WDR27: variants seen among roughly 807,000 people sequenced by gnomAD.
The protein encoded by WDR27 is WD repeat domain 27, also known as WD repeat-containing protein 27.
WDR27 carries 100 observed loss-of-function variants against 114.4 expected under a neutral mutation model. The observed-to-expected ratio is 0.87, with a 90% CI of 0.74 to 1.03. The LOEUF (loss-of-function observed/expected upper bound fraction) is 1.03. Ranked by LOEUF, WDR27 falls within the 50% of genes least tolerant of loss-of-function variation. The probability of loss-of-function intolerance (pLI) is 0.00; values close to 1 mark genes in which losing one functional copy is unlikely to be tolerated. For synonymous variants in WDR27, 449 were observed against 423.1 expected, an observed-to-expected ratio of 1.06 and a Z score of -0.75; for missense variants, 1,129 against 1,092.9, an observed-to-expected ratio of 1.03 and a Z score of -0.47.
At chr6:169,472,817 T>C (rs1452501970) in intron 25 of WDR27, among the ~76,000 whole-genome samples, 1 of 152,194 alleles carries the variant, frequency 6.6e-6, no homozygotes, top group Non-Finnish European at 1.5e-5. Context: ...CTGCATTTAT[T>C]TAAAAGTCCC....
chr6:169,459,276 CAA>C lies in WDR27; in HGVS notation c.2646-1644_2646-1643del, dbSNP rs550982525. Among the ~76,000 whole-genome samples, 44 of 151,336 alleles carry C rather than the reference CAA, an allele frequency of 2.9e-4. No individual in the cohort carries two copies. The East Asian group carries it at 4.7e-3, about 16-fold the overall frequency. On this transcript the variant is annotated intron_variant, in intron 25 of 25. Transcript: ENST00000448612. ...AATAAAAAGAGAACCTAAAACGAAA[CAA>C]AAAAATTTTCAAGCTAAAAATATAA... is the stretch of plus-strand genomic sequence containing the variant.
chr6:169,655,001 G>C (rs950701809), intron 13 of WDR27, among the ~76,000 whole-genome samples: 1 of 152,208 alleles, frequency 6.6e-6, no homozygotes, highest in African/African-American at 2.4e-5. Flanking sequence ...CTCTTACTCG[G>C]GTTTTCCCGG....
chr6:169,646,479 G>A (rs1338709593), intron 16 of WDR27, among the ~76,000 whole-genome samples: 2 of 152,170 alleles, frequency 1.3e-5, no homozygotes, highest in African/African-American at 4.8e-5. Context: ...GGGCGCAGCG[G>A]CTCACACCTG....
intron 21 of WDR27, among the ~76,000 whole-genome samples, chr6:169,626,949 C>A (rs1187334386): frequency 6.6e-6 from 1 of 152,212 alleles, no homozygotes; most frequent in Non-Finnish European, 1.5e-5. Flanking sequence ...TCTAAAGAGT[C>A]CTCACTGTAA....
chr6:169,681,421 G>C (rs930128131), intron 2 of WDR27, among the ~76,000 whole-genome samples: 1 of 152,242 alleles, frequency 6.6e-6, no homozygotes, highest in Non-Finnish European at 1.5e-5. Flanking sequence ...CCCCAGCAGA[G>C]CCAAGATCTT....
intron 1 of WDR27, among the ~76,000 whole-genome samples, chr6:169,699,069 A>G (rs1787089058): frequency 6.6e-6 from 1 of 152,218 alleles, no homozygotes; most frequent in Admixed American, 6.5e-5. Context: ...AACTGCAACA[A>G]CCTGTAATAA....
intron 25 of WDR27, among the ~76,000 whole-genome samples, chr6:169,516,710 G>A (rs181587352): frequency 3.3e-5 from 5 of 150,796 alleles, no homozygotes; most frequent in Non-Finnish European, 5.9e-5. Context: ...AACCTGAGAC[G>A]GCTCTGAAGG....
chr6:169,523,952 T>G (rs188344319), intron 25 of WDR27, among the ~76,000 whole-genome samples: 3 of 152,184 alleles, frequency 2.0e-5, no homozygotes, highest in Admixed American at 1.3e-4. Flanking sequence ...AGCAATTAGG[T>G]AAGAGAAAGA....
intron 25 of WDR27, among the ~76,000 whole-genome samples, chr6:169,508,211 A>G (rs978599607): frequency 2.0e-5 from 3 of 152,244 alleles, no homozygotes; most frequent in African/African-American, 7.2e-5. Flanking sequence ...AGAAAAACAA[A>G]AAAACTTAAA....
At chr6:169,583,516 C>T (rs1382675902) in intron 23 of WDR27, among the ~76,000 whole-genome samples, 17 of 33,104 alleles carry the variant, frequency 5.1e-4, no homozygotes, top group African/African-American at 9.2e-4. Flanking sequence ...TATATATACA[C>T]ACACACACAC....
At position 169,647,812 on chromosome 6, in the gene WDR27, C is replaced by T. The variant is rs1216511186; in HGVS notation, c.1618G>A (p.Ala540Thr). 13 of 1,583,762 alleles carry T rather than the reference C, an allele frequency of 8.2e-6. No homozygotes were observed. The highest frequency in any genetic ancestry group is 2.3e-5 in the East Asian group (1 of 43,686). Residue 540 changes from alanine to threonine, a missense_variant, in exon 16 of 26, where the codon GCC becomes ACC. Coordinates refer to ENST00000448612, the MANE Select transcript of WDR27 (RefSeq NM_182552.5). Reference sequence around the variant, plus strand: ...CAGCATACACGTGTGCAGGTGGGGGCGGCAGCGACCTGGGGGCCGGGCTTG... The same window carrying T: ...CAGCATACACGTGTGCAGGTGGGGGTGGCAGCGACCTGGGGGCCGGGCTTG... ...PTKPGPQVAAAPTCTRVCCIQ... is the reference protein window; with the variant it reads ...PTKPGPQVAATPTCTRVCCIQ...
intron 25 of WDR27, among the ~76,000 whole-genome samples, chr6:169,478,508 A>G (rs28445644): frequency 0.013 from 1,977 of 152,302 alleles, 41 homozygotes; most frequent in African/African-American, 0.041. Flanking sequence ...ATGAAGAATT[A>G]TAAGCCTATA....
downstream of WDR27, among the ~76,000 whole-genome samples, chr6:169,455,505 A>G (rs1051155751): frequency 6.6e-6 from 1 of 152,258 alleles, no homozygotes; most frequent in African/African-American, 2.4e-5. Context: ...AATAGTACAG[A>G]TAAAAAATAA....
chr6:169,473,820 A>G (rs1204527995), intron 25 of WDR27, among the ~76,000 whole-genome samples: 1 of 152,200 alleles, frequency 6.6e-6, no homozygotes, highest in East Asian at 1.9e-4. Flanking sequence ...CAGTCCTGTA[A>G]TCCACATGGG....
In WDR27 at chr6:169,501,139, T is replaced by G. The variant is rs2115481274; in HGVS notation, c.2646-43505A>C. 2.0e-5 allele frequency among the ~76,000 whole-genome samples: 3 copies of G among 152,356 alleles called. No individual in the cohort carries two copies. In the Middle Eastern group the frequency reaches 0.01, roughly 518 times the overall value. On this transcript the variant is annotated intron_variant, in intron 25 of 25. Transcript: ENST00000448612. ...AAACAGGTGTGTGGGATTTGGCGGC[T>G]GGGCATTCTTTTCACCCACTTTGAT...
At chr6:169,622,739 ACGGGAGAAGCGTC>A (rs1307922396) in intron 21 of WDR27, among the ~76,000 whole-genome samples, 2 of 152,262 alleles carry the variant, frequency 1.3e-5, no homozygotes, top group East Asian at 3.8e-4. Context: ...GTGTTTCGAC[ACGGGAGAAGCGTC>A]CCGGTGAAAC....
chr6:169,465,300 T>A (rs2115298094), intron 25 of WDR27, among the ~76,000 whole-genome samples: 1 of 145,974 alleles, frequency 6.9e-6, no homozygotes, highest in East Asian at 2.1e-4. Context: ...GAAAAGATGC[T>A]CAACATCACT....
In WDR27 at chr6:169,659,349, CA is replaced by C; in HGVS notation, c.1197+101del. On this transcript the variant is annotated intron_variant, in intron 11 of 25. Coordinates refer to ENST00000448612, the MANE Select transcript of WDR27 (RefSeq NM_182552.5). This position sits in a 1 kb window ranked among gnomAD's most constrained non-coding sequence, Gnocchi z 4.3. ...GTCACTCCTAAAACGTTTTTACACA[CA>C]AAATCCCGTTTACTCAGCCAGTCGT... The C allele has an allele frequency of 6.3e-7, 1 of 1,577,436 alleles. No homozygotes were observed.
chr6:169,448,611 G>A, the WDR27 span, among the ~76,000 whole-genome samples: 1 of 152,138 alleles, frequency 6.6e-6, no homozygotes, highest in African/African-American at 2.4e-5. Context: ...CCTGTGTCCT[G>A]AGCCCTTTGC....
Sources: allele counts gnomAD v4.1 joint callset (sites outside exome capture counted in the v4.1 genomes callset), GRCh38; gene constraint gnomAD v4.1.1; non-coding constraint Gnocchi (gnomAD v3.1); transcripts MANE v1.5; gene names NCBI Gene and HGNC (gene_info 2026-07-23, HGNC 2026-07-21).